The following KCNIP4 variants were observed in gnomAD, a reference collection of about 807,000 sequenced individuals.
The protein encoded by KCNIP4 is Kv channel-interacting protein 4.
Under a neutral mutation model 34.0 loss-of-function variants are expected in KCNIP4, and 12 were observed. That is an observed-to-expected ratio of 0.35 (90% CI 0.23 to 0.57). The LOEUF is 0.57. Ranked by LOEUF, KCNIP4 falls within the 20% of genes least tolerant of loss-of-function variation. The probability of loss-of-function intolerance (pLI) is 0.83; values close to 1 mark genes in which losing one functional copy is unlikely to be tolerated. For missense variants in KCNIP4, 238 were observed against 311.7 expected, an observed-to-expected ratio of 0.76 and a Z score of 1.78; for synonymous variants, 124 against 102.2, an observed-to-expected ratio of 1.21 and a Z score of -1.29.
At chr4:20,945,608 G>C (rs1396233133) in intron 1 of KCNIP4, among the ~76,000 whole-genome samples, 3 of 152,116 alleles carry the variant, frequency 2.0e-5, no homozygotes, top group African/African-American at 7.2e-5. Context: ...TGTGTGAGCA[G>C]GAGTTCTAGG....
intron 1 of KCNIP4, among the ~76,000 whole-genome samples, chr4:20,898,977 A>G (rs922823735): frequency 6.6e-6 from 1 of 152,204 alleles, no homozygotes; most frequent in African/African-American, 2.4e-5. Flanking sequence ...AACTTCTCCT[A>G]TACCGCTCAG....
intron 1 of KCNIP4, among the ~76,000 whole-genome samples, chr4:21,255,569 T>C (rs1324171513): frequency 4.6e-5 from 7 of 152,146 alleles, no homozygotes; most frequent in Non-Finnish European, 1.0e-4. Context: ...GTCTTTGTTT[T>C]CTTTTTCTTT....
At chr4:21,501,918 T>C (rs1733390364) in intron 1 of KCNIP4, among the ~76,000 whole-genome samples, 1 of 151,824 alleles carries the variant, frequency 6.6e-6, no homozygotes, top group African/African-American at 2.4e-5. Context: ...TAGCTCTCTG[T>C]CACTCTGTCT....
intron 1 of KCNIP4, among the ~76,000 whole-genome samples, chr4:21,469,491 T>A (rs1037304855): frequency 6.6e-6 from 1 of 152,204 alleles, no homozygotes; most frequent in African/African-American, 2.4e-5. Flanking sequence ...TGAAATAATA[T>A]CTTCATCTTA....
intron 1 of KCNIP4, among the ~76,000 whole-genome samples, chr4:20,980,993 C>A (rs538655445): frequency 6.6e-6 from 1 of 152,004 alleles, no homozygotes. Flanking sequence ...CTTTAGCTGC[C>A]TTTTTTTCTC....
chr4:21,898,472 A>G (rs916540405), intron 1 of KCNIP4, among the ~76,000 whole-genome samples: 2 of 152,182 alleles, frequency 1.3e-5, no homozygotes, highest in South Asian at 4.1e-4. Flanking sequence ...AGGGCACCAG[A>G]CAGAGTCCTG....
chr4:21,294,137 A>G (rs1418233297), intron 1 of KCNIP4, among the ~76,000 whole-genome samples: 1 of 152,218 alleles, frequency 6.6e-6, no homozygotes, highest in Non-Finnish European at 1.5e-5. Context: ...ACATATGCTC[A>G]ACAAAGTGCT....
intron 1 of KCNIP4, among the ~76,000 whole-genome samples, chr4:21,677,158 G>T (rs1455586743): frequency 6.6e-6 from 1 of 151,916 alleles, no homozygotes; most frequent in Non-Finnish European, 1.5e-5. Flanking sequence ...TTAAAATCCA[G>T]ATTCTGAGTC....
intron 1 of KCNIP4, among the ~76,000 whole-genome samples, chr4:21,078,357 A>G (rs1014166431): frequency 1.3e-5 from 2 of 152,032 alleles, no homozygotes; most frequent in Non-Finnish European, 2.9e-5. Context: ...ATCTTCTCAG[A>G]ATTCTAGAGG....
intron 1 of KCNIP4, among the ~76,000 whole-genome samples, chr4:21,257,022 G>T (rs1265983462): frequency 6.6e-6 from 1 of 152,098 alleles, no homozygotes; most frequent in African/African-American, 2.4e-5. Context: ...TGCCACAATC[G>T]CTAGAACAGT....
chr4:21,628,284 C>T (rs1256277159), intron 1 of KCNIP4, among the ~76,000 whole-genome samples: 2 of 152,086 alleles, frequency 1.3e-5, no homozygotes, highest in African/African-American at 4.8e-5. Context: ...AGGTATGTTC[C>T]TTCACTGTGA....
chr4:20,806,218 C>T (rs1042872050), intron 3 of KCNIP4, among the ~76,000 whole-genome samples: 8 of 151,684 alleles, frequency 5.3e-5, no homozygotes, highest in South Asian at 4.2e-4. Flanking sequence ...CTGTATTTTT[C>T]CTTCCTTATA....
At chr4:21,421,276 T>C (rs1465308007) in intron 1 of KCNIP4, among the ~76,000 whole-genome samples, 2 of 152,164 alleles carry the variant, frequency 1.3e-5, no homozygotes, top group Admixed American at 1.3e-4. Flanking sequence ...TCTGGGTATA[T>C]ATCCATAGGA....
intron 1 of KCNIP4, among the ~76,000 whole-genome samples, chr4:21,081,508 C>T (rs1019594506): frequency 1.4e-4 from 21 of 151,626 alleles, no homozygotes; most frequent in South Asian, 4.2e-4. Context: ...AACCTCAAAA[C>T]GGCCCCAAAT....
chr4:21,125,108 T>G (rs1010669434), intron 1 of KCNIP4, among the ~76,000 whole-genome samples: 1 of 149,144 alleles, frequency 6.7e-6, no homozygotes, highest in African/African-American at 2.5e-5. Flanking sequence ...GAAGCCAGCG[T>G]GACTAGATGA....
chr4:21,116,803 AC>A (rs1422957734), intron 1 of KCNIP4, among the ~76,000 whole-genome samples: 2 of 152,132 alleles, frequency 1.3e-5, no homozygotes, highest in African/African-American at 4.8e-5. Flanking sequence ...CCATGAATCC[AC>A]TTTTACTTTC....
chr4:21,519,032 T>C (rs538891671), intron 1 of KCNIP4, among the ~76,000 whole-genome samples: 60 of 152,078 alleles, frequency 3.9e-4, no homozygotes, highest in African/African-American at 1.4e-3. Flanking sequence ...CCGAAGAAAA[T>C]GGGGCTTGAG....
chr4:21,242,349 G>GGTC (rs1236733272), intron 1 of KCNIP4, among the ~76,000 whole-genome samples: 1 of 152,008 alleles, frequency 6.6e-6, no homozygotes, highest in Non-Finnish European at 1.5e-5. Context: ...ACTGCACTTA[G>GGTC]TTAAGACCTT....
chr4:20,836,871 C>T (rs1719096616), intron 3 of KCNIP4, among the ~76,000 whole-genome samples: 1 of 148,548 alleles, frequency 6.7e-6, no homozygotes, highest in African/African-American at 2.5e-5. Context: ...AGAGTTCTCT[C>T]TTTTTTTTTT....
Sources: allele counts gnomAD v4.1 joint callset (sites outside exome capture counted in the v4.1 genomes callset), GRCh38; gene constraint gnomAD v4.1.1; transcripts MANE v1.5; gene names NCBI Gene and HGNC (gene_info 2026-07-23, HGNC 2026-07-21).